CHD5: variants seen among roughly 807,000 people sequenced by gnomAD.
CHD5 encodes the protein chromodomain helicase DNA binding protein 5, also known as ATP-dependent chromatin remodeler CHD5.
CHD5 carries 69 observed loss-of-function variants against 230.3 expected under a neutral mutation model. The observed-to-expected ratio is 0.30, with a 90% CI of 0.25 to 0.37. The LOEUF is 0.37. Ranked by LOEUF, CHD5 falls within the 10% of genes least tolerant of loss-of-function variation. The pLI is 1.00. For synonymous variants in CHD5, 1,064 were observed against 1,065.9 expected (o/e 1.00, Z 0.03); for missense variants, 1,827 against 2,622.8 (o/e 0.70, Z 6.63).
At chr1:6,135,716 C>T (rs77559813) in intron 17 of CHD5, among the ~76,000 whole-genome samples, 4,072 of 152,256 alleles carry the variant, frequency 0.027, 177 homozygotes, top group African/African-American at 0.093. Flanking sequence ...GTGCCAAAAC[C>T]GGCCCTCAAA....
At chr1:6,176,887 C>T (rs1401650815) in intron 1 of CHD5, among the ~76,000 whole-genome samples, 1 of 152,196 alleles carries the variant, frequency 6.6e-6, no homozygotes, top group African/African-American at 2.4e-5. Flanking sequence ...CAACCAGCCA[C>T]CCCAACTCCC....
At chr1:6,147,835 C>T (rs9435104) in intron 9 of CHD5, among the ~76,000 whole-genome samples, 61,050 of 151,920 alleles carry the variant, frequency 0.4, 14,045 homozygotes, top group East Asian at 0.67. Context: ...CAGCAAAGGC[C>T]GAGAGGCAGA....
In CHD5 at chr1:6,138,530, G is replaced by A. The variant is rs571020680; in HGVS notation, c.2437-1665C>T. Among the ~76,000 whole-genome samples the A allele has an allele frequency of 1.6e-4, 24 of 152,338 alleles. 2 individuals carry two copies. In the South Asian group the frequency reaches 4.8e-3, roughly 30 times the overall value. On this transcript the variant is annotated intron_variant, in intron 15 of 41. Transcript: ENST00000262450. ...GCCTGTCCTGTGCTGCACCAAGCCT[G>A]CCTCTCCCAGCAGCCCACATGCCTG... is the stretch of plus-strand genomic sequence containing the variant.
At position 6,173,972 on chromosome 1, in the gene CHD5, G is replaced by C. The variant is rs150647801; in HGVS notation, c.80-5695C>G. On this transcript the variant is annotated intron_variant, in intron 1 of 41. Coordinates refer to ENST00000262450, the MANE Select transcript of CHD5 (RefSeq NM_015557.3). ...CACATCAAAAGAAAGCATCAGTCCT[G>C]AGTGGGGAGTGGAGGGAAGAGACGG... 9.8e-5 allele frequency among the ~76,000 whole-genome samples: 15 copies of C among 152,326 alleles called. No individual in the cohort carries two copies. The East Asian group carries it at 2.5e-3, about 25-fold the overall frequency.
At position 6,101,838 on chromosome 1, in the gene CHD5, C is replaced by T. The variant is rs1666061401; in HGVS notation, c.*3636G>A. The T allele has an allele frequency of 4.7e-6, 1 of 214,030 alleles. No individual in the cohort carries two copies. The highest frequency in any genetic ancestry group is 4.5e-5 in the South Asian group (1 of 22,316). The allele number at this position is 214,030 out of a possible 1,614,324, so 13.3% of individuals were successfully genotyped here. On this transcript the variant is annotated 3_prime_UTR_variant, in exon 42 of 42. Transcript: ENST00000262450. ...AAAACACAGAAAACCAAAACATACA[C>T]ACAGAGTACAAAGTAAAGGTGATTG... is the stretch of plus-strand genomic sequence containing the variant.
At chr1:6,179,547 C>A (rs1352956184) in intron 1 of CHD5, among the ~76,000 whole-genome samples, 1 of 151,572 alleles carries the variant, frequency 6.6e-6, no homozygotes, top group Non-Finnish European at 1.5e-5. Context: ...AGGCCAGAGG[C>A]GCACGGCGGC....
chr1:6,160,403 C>T (rs1667155126), intron 2 of CHD5, among the ~76,000 whole-genome samples: 1 of 140,300 alleles, frequency 7.1e-6, no homozygotes, highest in Admixed American at 6.9e-5. Flanking sequence ...GGAAGGGCCC[C>T]AGCCAGAGAA....
chr1:6,150,927 C>T (rs561818910), intron 7 of CHD5, 105 bp downstream of exon 7: 664 of 1,331,062 alleles, frequency 5.0e-4, no homozygotes, highest in Non-Finnish European at 6.3e-4. Context: ...TTCCATGCCC[C>T]GCACATCCAC....
intron 15 of CHD5, among the ~76,000 whole-genome samples, chr1:6,138,367 T>A (rs1356544569): frequency 6.7e-6 from 1 of 149,970 alleles, no homozygotes; most frequent in Non-Finnish European, 1.5e-5. Context: ...ACAGAGTGAG[T>A]CTCTGTCTCC....
intron 3 of CHD5, among the ~76,000 whole-genome samples, chr1:6,157,018 C>T (rs1470194469): frequency 2.0e-5 from 3 of 152,248 alleles, no homozygotes; most frequent in Non-Finnish European, 4.4e-5. Flanking sequence ...GGCACACTGC[C>T]TTGCAGAACA....
chr1:6,125,290 G>A lies in CHD5; in HGVS notation c.4261-57C>T. 1.3e-6 allele frequency: 2 copies of A among 1,506,522 alleles called. No individual in the cohort carries two copies. The highest frequency in any genetic ancestry group is 1.8e-6 in the Non-Finnish European group (2 of 1,116,278). 93.3% of individuals were successfully genotyped at this position (1,506,522 alleles called of 1,614,324 possible). A position where few individuals can be genotyped will look rare whatever the true frequency, so the allele number is the denominator to read the frequency against. ...AGGACAGAGAGGGGTGGGGGTGGAG[G>A]ATTCTGGGATGGGGGAAGAAAAGCA... On this transcript the variant is annotated intron_variant, in intron 28 of 41. Coordinates refer to ENST00000262450, the MANE Select transcript of CHD5 (RefSeq NM_015557.3). The surrounding 1 kb of genome is among the most constrained non-coding windows in gnomAD (Gnocchi z 6.7).
rs139392938 is a variant in CHD5 at position 6,107,632 on chromosome 1, T to A, written c.5579-853A>T. ...ATAAAGGGATATAGGGATGAAGCGA[T>A]GATGGAGGGATGAAGGGATGATGGA... On this transcript the variant is annotated intron_variant, in intron 38 of 41. Transcript: ENST00000262450. Among the ~76,000 whole-genome samples the A allele has an allele frequency of 3.8e-3, 285 of 75,996 alleles. 1 individual carries two copies. The highest frequency in any genetic ancestry group is 0.014 in the African/African-American group (278 of 20,200). The allele number at this position is 75,996 out of a possible 152,430, so 49.9% of individuals were successfully genotyped here.
chr1:6,122,518 C>T (rs889769455), intron 31 of CHD5, among the ~76,000 whole-genome samples: 3 of 152,158 alleles, frequency 2.0e-5, no homozygotes. Context: ...GAACCTGGGA[C>T]TCCCGCACAA....
In CHD5 at chr1:6,151,172, G is replaced by C; in HGVS notation, c.871-17C>G. On this transcript the variant is annotated splice_polypyrimidine_tract_variant and intron_variant, in intron 6 of 41. Transcript: ENST00000262450. ...TTCTTCACTCTGCAGGGGAAGACAG[G>C]GTCCTGTGATCCCAGGGCTTCACCC... 6.3e-7 allele frequency: 1 copy of C among 1,594,658 alleles called. No individual in the cohort carries two copies. Among genetic ancestry groups the C allele is most frequent in the Non-Finnish European group, 8.6e-7 (1 of 1,168,630 alleles).
At position 6,130,015 on chromosome 1, in the gene CHD5, G is replaced by A. The variant is rs1171070986; in HGVS notation, c.3387+189C>T. 1.5e-5 allele frequency: 10 copies of A among 659,516 alleles called. No homozygotes were observed. In the South Asian group the frequency reaches 1.8e-4, roughly 12 times the overall value. 40.9% of individuals were successfully genotyped at this position (659,516 alleles called of 1,614,324 possible). On this transcript the variant is annotated intron_variant, in intron 22 of 41. Coordinates refer to ENST00000262450, the MANE Select transcript of CHD5 (RefSeq NM_015557.3). This position sits in a 1 kb window ranked among gnomAD's most constrained non-coding sequence, Gnocchi z 4.9. ...CCTCCTCTGGACAAGGACAGAGCTG[G>A]AGGGATGGGGGCCAAGCTTCCACTC...
At chr1:6,179,883 G>C (rs1667487290) in intron 1 of CHD5, 62 bp downstream of exon 1, 1 of 964,104 alleles carries the variant, frequency 1.0e-6, no homozygotes, top group Non-Finnish European at 1.3e-6. Flanking sequence ...GCTCCGCCCT[G>C]GGCCCGGCCC....
In CHD5 at chr1:6,124,672, G is replaced by GT. The variant is rs751880427; in HGVS notation, c.4395-12_4395-11insA. On this transcript the variant is annotated splice_polypyrimidine_tract_variant and intron_variant, in intron 29 of 41. Coordinates refer to ENST00000262450, the MANE Select transcript of CHD5 (RefSeq NM_015557.3). ...AGGGACACATAGGCTCTGGGGTGGG[G>GT]GGGGGGGACTGGGGCTCAGGGAGTG... The GT allele has an allele frequency of 7.4e-6, 9 of 1,223,194 alleles. No individual in the cohort carries two copies. The highest frequency in any genetic ancestry group is 2.7e-5 in the South Asian group (2 of 74,118). The allele number at this position is 1,223,194 out of a possible 1,614,324, so 75.8% of individuals were successfully genotyped here.
intron 39 of CHD5, 38 bp downstream of exon 39, chr1:6,106,578 C>T (rs779791978): frequency 6.4e-7 from 1 of 1,551,326 alleles, no homozygotes; most frequent in Non-Finnish European, 8.7e-7. Flanking sequence ...AGGGGCACGC[C>T]AGGGGGCTCG....
chr1:6,150,384 GGA>G (rs1666984621), intron 7 of CHD5, among the ~76,000 whole-genome samples: 3 of 147,444 alleles, frequency 2.0e-5, no homozygotes, highest in Admixed American at 6.7e-5. Context: ...ATGGATGGAT[GGA>G]TGGATGGATG....
Sources: gnomAD v4.1 joint callset for allele counts (sites outside exome capture counted in the v4.1 genomes callset) on GRCh38, gnomAD v4.1.1 for gene constraint, Gnocchi (gnomAD v3.1) non-coding constraint, MANE v1.5 for transcripts, NCBI Gene and HGNC (gene_info 2026-07-23, HGNC 2026-07-21) for gene names.